Variants in RNF43 observed in about 807,000 individuals in gnomAD.
RNF43 encodes ring finger protein 43, also known as E3 ubiquitin-protein ligase RNF43.
A neutral mutation model predicts 78.4 loss-of-function variants in RNF43; 37 were observed. That is an observed-to-expected ratio of 0.47 (90% CI 0.36 to 0.62). The LOEUF is 0.62. Among genes scored for constraint, RNF43 ranks in the 20% least tolerant of loss-of-function variants. The pLI is 0.00. For missense variants in RNF43, 774 were observed against 1,007.9 expected (o/e 0.77, Z 3.14); for synonymous variants, 347 against 395.0 (o/e 0.88, Z 1.44).
intron 2 of RNF43, among the ~76,000 whole-genome samples, chr17:58,378,063 T>A (rs560912940): frequency 6.6e-6 from 1 of 152,236 alleles, no homozygotes; most frequent in South Asian, 2.1e-4. Flanking sequence ...TTGCCTTGTA[T>A]TGAAGGGAGT....
intron 2 of RNF43, among the ~76,000 whole-genome samples, chr17:58,411,715 G>A (rs10853006): frequency 0.34 from 51,669 of 151,948 alleles, 9,518 homozygotes; most frequent in East Asian, 0.51. Context: ...TTACTCTTTT[G>A]CTCTGAGAAG....
At chr17:58,405,221 G>T (rs1973879853) in intron 2 of RNF43, among the ~76,000 whole-genome samples, 1 of 151,756 alleles carries the variant, frequency 6.6e-6, no homozygotes, top group African/African-American at 2.4e-5. Context: ...GGGACTACAG[G>T]TGCATGCCGC....
Position 58,354,840 on chromosome 17 carries a change from G to A in RNF43, c.*103C>T, listed in dbSNP as rs143957022. 3,212 of 1,027,934 alleles carry A rather than the reference G, an allele frequency of 3.1e-3. 7 individuals carry two copies. The highest frequency in any genetic ancestry group is 4.3e-3 in the Non-Finnish European group (2,776 of 650,868). 63.7% of individuals were successfully genotyped at this position (1,027,934 alleles called of 1,614,324 possible). A position where few individuals can be genotyped will look rare whatever the true frequency, so the allele number is the denominator to read the frequency against. On this transcript the variant is annotated 3_prime_UTR_variant, in exon 10 of 10. Transcript: ENST00000407977. ...TCTAGGAAGTACGGCAAAAAGAATGGTGTTTGCTGTGGTCCTTTCCTTTCC... is the reference window on the plus strand; with the variant it reads ...TCTAGGAAGTACGGCAAAAAGAATGATGTTTGCTGTGGTCCTTTCCTTTCC...
intron 2 of RNF43, among the ~76,000 whole-genome samples, chr17:58,403,773 C>T (rs903356241): frequency 3.3e-5 from 5 of 152,198 alleles, no homozygotes; most frequent in South Asian, 2.1e-4. Context: ...TGGGTGAACA[C>T]CCACCAGCTG....
chr17:58,389,134 C>A (rs925988538), intron 2 of RNF43, among the ~76,000 whole-genome samples: 1 of 151,912 alleles, frequency 6.6e-6, no homozygotes, highest in Admixed American at 6.6e-5. Flanking sequence ...GTAGGAAAAT[C>A]AATTAGAGAG....
At chr17:58,415,282 A>T (rs2143693496) in intron 2 of RNF43, 44 bp downstream of exon 2, 1 of 1,604,320 alleles carries the variant, frequency 6.2e-7, no homozygotes, top group Non-Finnish European at 8.5e-7. Context: ...AGAAAGACAT[A>T]TTTCAAACAG....
intron 3 of RNF43, 98 bp downstream of exon 3, chr17:58,370,813 C>T (rs2143511670): frequency 3.8e-6 from 5 of 1,314,204 alleles, no homozygotes; most frequent in Non-Finnish European, 5.0e-6. Flanking sequence ...TCAGGTACAT[C>T]ACTCTTAGGA....
chr17:58,355,382 C>T (rs2107547), intron 9 of RNF43, among the ~76,000 whole-genome samples: 25,800 of 151,986 alleles, frequency 0.17, 2,225 homozygotes, highest in East Asian at 0.2. Flanking sequence ...ACAGGAGTCA[C>T]GAGAGATGCA....
In RNF43 at chr17:58,370,941, G is replaced by C. The variant is rs779781404; in HGVS notation, c.345C>G (p.Ala115=). Residue 115 remains alanine, a synonymous_variant, in exon 3 of 10, where the codon GCC becomes GCG. Transcript: ENST00000407977. ...TAGCCAGTGACAGGCAGGGGCGGGGGGCCCGTCGAGGACTCTCCAGCTTGA... is the reference window on the plus strand; with the variant it reads ...TAGCCAGTGACAGGCAGGGGCGGGGCGCCCGTCGAGGACTCTCCAGCTTGA... ...SIVKLESPRR[A]PRPCLSLASK... 6.2e-7 allele frequency: 1 copy of C among 1,608,590 alleles called. No individual in the cohort carries two copies. Among genetic ancestry groups the C allele is most frequent in the Non-Finnish European group, 8.5e-7 (1 of 1,176,940 alleles).
At chr17:58,402,331 G>C (rs1302666092) in intron 2 of RNF43, among the ~76,000 whole-genome samples, 3 of 152,204 alleles carry the variant, frequency 2.0e-5, no homozygotes, top group African/African-American at 7.2e-5. Context: ...AAATCTTCTA[G>C]AGCAAATGCT....
At chr17:58,414,028 T>A (rs1361460887) in intron 2 of RNF43, among the ~76,000 whole-genome samples, 1 of 152,188 alleles carries the variant, frequency 6.6e-6, no homozygotes, top group East Asian at 1.9e-4. Flanking sequence ...TTTTAAGTAT[T>A]CCTAATTCCA....
intron 2 of RNF43, among the ~76,000 whole-genome samples, chr17:58,380,107 A>T (rs1172798285): frequency 2.0e-5 from 3 of 152,216 alleles, no homozygotes; most frequent in African/African-American, 7.2e-5. Context: ...CCACCAGGTG[A>T]GGAACTCAGG....
chr17:58,372,615 T>C (rs777065346), intron 2 of RNF43, among the ~76,000 whole-genome samples: 63 of 152,120 alleles, frequency 4.1e-4, no homozygotes, highest in Admixed American at 1.7e-3. Context: ...GAGCTAATGA[T>C]GAGTAAGAGA....
At chr17:58,374,415 CAG>C (rs1418212260) in intron 2 of RNF43, among the ~76,000 whole-genome samples, 2 of 144,962 alleles carry the variant, frequency 1.4e-5, no homozygotes, top group African/African-American at 5.2e-5. Flanking sequence ...TTTTTTGAGA[CAG>C]AGTCTCGCTG....
At chr17:58,383,710 C>T (rs936613343) in intron 2 of RNF43, among the ~76,000 whole-genome samples, 7 of 152,112 alleles carry the variant, frequency 4.6e-5, no homozygotes, top group Non-Finnish European at 7.4e-5. Context: ...CTCCGCCTCC[C>T]GCGTTCAAGC....
At chr17:58,393,190 C>T (rs1360892843) in intron 2 of RNF43, among the ~76,000 whole-genome samples, 2 of 152,032 alleles carry the variant, frequency 1.3e-5, no homozygotes, top group African/African-American at 2.4e-5. Flanking sequence ...GGTGGATCAC[C>T]TGAGGTCAGG....
At chr17:58,376,446 T>G (rs1013804309) in intron 2 of RNF43, among the ~76,000 whole-genome samples, 1 of 152,236 alleles carries the variant, frequency 6.6e-6, no homozygotes, top group African/African-American at 2.4e-5. Flanking sequence ...ATACTCATTA[T>G]ACTTTTGTAT....
chr17:58,373,227 G>C (rs568702986), intron 2 of RNF43, among the ~76,000 whole-genome samples: 1 of 152,282 alleles, frequency 6.6e-6, no homozygotes, highest in East Asian at 1.9e-4. Context: ...CCTGGGAGAG[G>C]AAAGTCACTT....
At chr17:58,413,496 G>A (rs1443322217) in intron 2 of RNF43, among the ~76,000 whole-genome samples, 1 of 152,132 alleles carries the variant, frequency 6.6e-6, no homozygotes, top group Admixed American at 6.5e-5. Flanking sequence ...ACTATCCACT[G>A]TAAAGGCTGA....
Sources: allele counts gnomAD v4.1 joint callset (sites outside exome capture counted in the v4.1 genomes callset), GRCh38; gene constraint gnomAD v4.1.1; transcripts MANE v1.5; gene names NCBI Gene and HGNC (gene_info 2026-07-23, HGNC 2026-07-21).